Variants in NTRK2 observed in about 807,000 individuals in gnomAD.
NTRK2 encodes the protein BDNF/NT-3 growth factors receptor.
In NTRK2, 13 loss-of-function variants were observed where a neutral mutation model predicts 94.5. The observed-to-expected ratio is 0.14, with a 90% CI of 0.09 to 0.22. The LOEUF (loss-of-function observed/expected upper bound fraction) is 0.22. Ranked by LOEUF, NTRK2 falls within the 10% of genes least tolerant of loss-of-function variation. NTRK2 has a pLI of 1.00. For missense variants in NTRK2, 639 were observed against 1,071.2 expected (o/e 0.60, Z 5.63); for synonymous variants, 372 against 407.4 (o/e 0.91, Z 1.05).
intron 17 of NTRK2, among the ~76,000 whole-genome samples, chr9:84,993,730 G>A (rs1206638041): frequency 6.6e-6 from 1 of 152,144 alleles, no homozygotes; most frequent in Non-Finnish European, 1.5e-5. Context: ...TTCATCCCTT[G>A]TGAATCTCCC....
chr9:85,014,673 CA>C (rs1364350216), intron 17 of NTRK2, among the ~76,000 whole-genome samples: 1 of 152,140 alleles, frequency 6.6e-6, no homozygotes, highest in Non-Finnish European at 1.5e-5. Context: ...TAGATGTGTC[CA>C]TTCTGATTTA....
intron 8 of NTRK2, among the ~76,000 whole-genome samples, chr9:84,726,507 A>G (rs1157910453): frequency 6.6e-6 from 1 of 152,226 alleles, no homozygotes; most frequent in East Asian, 1.9e-4. Context: ...AAACAAACTA[A>G]AAATATTAAC....
At chr9:84,776,812 A>G (rs2067093677) in intron 12 of NTRK2, among the ~76,000 whole-genome samples, 1 of 152,204 alleles carries the variant, frequency 6.6e-6, no homozygotes, top group African/African-American at 2.4e-5. Flanking sequence ...GGGAATCTGA[A>G]TCTTTTAAAA....
At position 85,026,890 on chromosome 9, in the gene NTRK2, C is replaced by T; in HGVS notation, c.*5453C>T. On this transcript the variant is annotated 3_prime_UTR_variant, in exon 19 of 19. Coordinates refer to ENST00000277120, the MANE Select transcript of NTRK2 (RefSeq NM_006180.6). ...TCCATTGCTTTACTAAGACCCACTG[C>T]ATCTTGGCTGATTTCAAAGTGACAC... The T allele has an allele frequency of 4.3e-6, 1 of 232,548 alleles. No homozygotes were observed. 14.4% of individuals were successfully genotyped at this position (232,548 alleles called of 1,614,324 possible).
intron 12 of NTRK2, among the ~76,000 whole-genome samples, chr9:84,796,068 G>A (rs922285904): frequency 1.3e-5 from 2 of 151,912 alleles, no homozygotes; most frequent in Non-Finnish European, 2.9e-5. Context: ...GTGTCACATG[G>A]GATTGCATTA....
chr9:84,727,599 G>C, intron 8 of NTRK2, 55 bp from the exon 9 acceptor site: 1 of 1,548,856 alleles, frequency 6.5e-7, no homozygotes, highest in Non-Finnish European at 8.9e-7. Context: ...GACATCTCGA[G>C]ATGGGGAGAA....
chr9:84,805,370 T>C (rs2070989715), intron 12 of NTRK2, among the ~76,000 whole-genome samples: 1 of 152,238 alleles, frequency 6.6e-6, no homozygotes. Context: ...TACTGTAATT[T>C]TGATCAAAGT....
At chr9:84,809,256 T>C (rs2071470644) in intron 12 of NTRK2, among the ~76,000 whole-genome samples, 1 of 152,132 alleles carries the variant, frequency 6.6e-6, no homozygotes, top group South Asian at 2.1e-4. Flanking sequence ...TTACTCATCT[T>C]TCTCCTTCTA....
intron 5 of NTRK2, among the ~76,000 whole-genome samples, chr9:84,709,912 A>G (rs2061327726): frequency 6.6e-6 from 1 of 151,380 alleles, no homozygotes; most frequent in Non-Finnish European, 1.5e-5. Context: ...CAGTGGTCTA[A>G]CGCAGCTCAA....
At chr9:85,005,197 G>A (rs1301584835) in intron 17 of NTRK2, among the ~76,000 whole-genome samples, 1 of 152,202 alleles carries the variant, frequency 6.6e-6, no homozygotes, top group Non-Finnish European at 1.5e-5. Context: ...CAAAGAGGAA[G>A]AGACTCCCTC....
chr9:84,896,075 C>G (rs1442215631), intron 14 of NTRK2, among the ~76,000 whole-genome samples: 1 of 152,158 alleles, frequency 6.6e-6, no homozygotes, highest in African/African-American at 2.4e-5. Context: ...TAGATGAGTT[C>G]TCTGTGAAAT....
chr9:84,721,325 G>A (rs1482884119), intron 6 of NTRK2, among the ~76,000 whole-genome samples: 4 of 152,090 alleles, frequency 2.6e-5, no homozygotes, highest in South Asian at 2.1e-4. Context: ...ACAGGCACCC[G>A]CCACTGCGCA....
At position 84,871,406 on chromosome 9, in the gene NTRK2, G is replaced by A. The variant is rs147053856; in HGVS notation, c.1633+3975G>A. ...ATAAAAATATATCAGTGTGAGTCAG[G>A]TTTGGCTCACAGTCTACCACCTGGG... On this transcript the variant is annotated intron_variant, in intron 14 of 18. Coordinates refer to ENST00000277120, the MANE Select transcript of NTRK2 (RefSeq NM_006180.6). Among the ~76,000 whole-genome samples, 662 of 152,294 alleles carry A rather than the reference G, an allele frequency of 4.3e-3. 3 individuals carry two copies. The highest frequency in any genetic ancestry group is 7.7e-3 in the Non-Finnish European group (525 of 68,024).
At chr9:84,737,079 G>C (rs2063313884) in intron 9 of NTRK2, among the ~76,000 whole-genome samples, 1 of 152,220 alleles carries the variant, frequency 6.6e-6, no homozygotes, top group Admixed American at 6.5e-5. Flanking sequence ...ACATTAAATA[G>C]AGTCTGCAAA....
At chr9:84,811,135 TA>T in intron 12 of NTRK2, 2 of 1,066,530 alleles carry the variant, frequency 1.9e-6, no homozygotes, top group Non-Finnish European at 2.3e-6. Context: ...CTAAAAGAGT[TA>T]AGGGTATATA....
intron 14 of NTRK2, among the ~76,000 whole-genome samples, chr9:84,927,489 G>A (rs1179713887): frequency 6.6e-6 from 1 of 152,046 alleles, no homozygotes; most frequent in East Asian, 1.9e-4. Context: ...AGAAAATGCT[G>A]AGGCACTTTT....
At chr9:84,844,860 C>T (rs1032680122) in intron 12 of NTRK2, among the ~76,000 whole-genome samples, 2 of 150,628 alleles carry the variant, frequency 1.3e-5, no homozygotes, top group African/African-American at 4.9e-5. Context: ...TCCATGTAAC[C>T]AAAAAACACC....
rs762704550 is a variant in NTRK2, at chr9:84,724,333, A to T, written c.830A>T (p.Asp277Val). The T allele has an allele frequency of 1.2e-6, 2 of 1,614,194 alleles. No homozygotes were observed. Among genetic ancestry groups the T allele is most frequent in the Admixed American group, 3.3e-5 (2 of 60,026 alleles). The change falls in exon 8 of 19, where the codon GAT becomes GTT. Residue 277 changes from aspartate to valine, a missense_variant. Asp to Val is a radical substitution (Grantham distance 152). This residue lies in a region of NTRK2 where 343 missense variants were observed against 571.5 expected (regional missense o/e 0.60). Coordinates refer to ENST00000277120, the MANE Select transcript of NTRK2 (RefSeq NM_006180.6). ...GAAAATCTTGTAGGAGAAGATCAAGATTCTGTCAACCTCACTGTGCATTGT... is the reference window on the plus strand; with the variant it reads ...GAAAATCTTGTAGGAGAAGATCAAGTTTCTGTCAACCTCACTGTGCATTGT... ...VAENLVGEDQ[D>V]SVNLTVHFAP...
intron 14 of NTRK2, chr9:84,876,816 A>C (rs2076084721): frequency 9.4e-7 from 1 of 1,062,044 alleles, no homozygotes; most frequent in Admixed American, 5.4e-5. Context: ...TTTCTTTTCC[A>C]AGTGCTGTCA....
Sources: gnomAD v4.1 joint callset for allele counts (sites outside exome capture counted in the v4.1 genomes callset) on GRCh38, gnomAD v4.1.1 for gene constraint, gnomAD v4.1.1 regional missense constraint, MANE v1.5 for transcripts, NCBI Gene and HGNC (gene_info 2026-07-23, HGNC 2026-07-21) for gene names.